CENPM: variants seen among roughly 807,000 people sequenced by gnomAD.
CENPM encodes the protein interphase centromere complex protein 39.
A neutral mutation model predicts 19.6 loss-of-function variants in CENPM; 14 were observed. That is an observed-to-expected ratio of 0.71 (90% CI 0.47 to 1.11). The LOEUF is 1.11. Ranked by LOEUF, CENPM falls within the 50% of genes most tolerant of loss-of-function variation. The pLI, the probability that CENPM is intolerant of heterozygous loss-of-function variation, is 0.00. For missense variants in CENPM, 239 were observed against 228.4 expected, an observed-to-expected ratio of 1.05 and a Z score of -0.30; for synonymous variants, 114 against 101.5, an observed-to-expected ratio of 1.12 and a Z score of -0.74.
At chr22:41,944,650 T>C (rs1442757870) in intron 4 of CENPM, 1 of 984,102 alleles carries the variant, frequency 1.0e-6, no homozygotes, top group Non-Finnish European at 1.2e-6. Flanking sequence ...GCCATTATTA[T>C]TTTCACTGTT....
the CENPM span, chr22:41,928,045 T>C: frequency 4.1e-6 from 1 of 244,250 alleles, no homozygotes; most frequent in East Asian, 1.2e-4. The surrounding 1 kb of genome is among the most constrained non-coding windows in gnomAD (Gnocchi z 4.0). Flanking sequence ...AAACAGGAAG[T>C]CCAGGGAGTG....
chr22:41,942,023 G>A (rs1189370840), intron 5 of CENPM, among the ~76,000 whole-genome samples: 2 of 152,182 alleles, frequency 1.3e-5, no homozygotes, highest in African/African-American at 2.4e-5. Flanking sequence ...AAGGGACCCT[G>A]GTCTAGACAG....
At chr22:41,940,637 C>T (rs755456586) in intron 5 of CENPM, among the ~76,000 whole-genome samples, 3 of 152,144 alleles carry the variant, frequency 2.0e-5, no homozygotes, top group Non-Finnish European at 2.9e-5. Context: ...CCTTCCACCT[C>T]GGCCTCCCTA....
downstream of CENPM, among the ~76,000 whole-genome samples, chr22:41,935,728 C>A (rs1192405254): frequency 1.3e-5 from 2 of 152,226 alleles, no homozygotes; most frequent in African/African-American, 2.4e-5. Context: ...TATCCTGCCA[C>A]CCCCTGCCCT....
chr22:41,941,014 C>T (rs1399655925), intron 5 of CENPM, among the ~76,000 whole-genome samples: 1 of 152,184 alleles, frequency 6.6e-6, no homozygotes, highest in African/African-American at 2.4e-5. Flanking sequence ...TCCCAGAGCT[C>T]AGCAAATCCT....
intron 3 of CENPM, chr22:41,945,516 T>C (rs1213248773): frequency 2.0e-6 from 2 of 993,274 alleles, no homozygotes; most frequent in South Asian, 1.8e-5. Context: ...AGTAGCGCGA[T>C]CTTGGCTCAC....
downstream of CENPM, among the ~76,000 whole-genome samples, chr22:41,934,013 G>A (rs1439082145): frequency 2.6e-5 from 4 of 152,376 alleles, no homozygotes; most frequent in African/African-American, 9.6e-5. Context: ...GGGGCAGGCA[G>A]TGGGGCTTGG....
chr22:41,929,988 G>C, the CENPM span, among the ~76,000 whole-genome samples: 2 of 124,360 alleles, frequency 1.6e-5, no homozygotes, highest in Admixed American at 1.0e-4. Flanking sequence ...CTGTCGCCCA[G>C]GCTGGAGTGC....
At chr22:41,934,088 C>T (rs978726579), downstream of CENPM, among the ~76,000 whole-genome samples, 6 of 152,226 alleles carry the variant, frequency 3.9e-5, no homozygotes, top group Non-Finnish European at 1.5e-5. Context: ...CGGTGGGACT[C>T]GGAGGCTGCT....
rs567949798 is a variant in CENPM, at chr22:41,938,748, CT to C, written c.*307del. On this transcript the variant is annotated 3_prime_UTR_variant, in exon 6 of 6. Transcript: ENST00000215980. ...GTGAATGAGACCAGTGATTTTTAAA[CT>C]TTTTTTAGCCACAGACCTTTTGTTC... 6.6e-6 allele frequency: 2 copies of C among 301,414 alleles called. No homozygotes were observed. Among genetic ancestry groups the C allele is most frequent in the South Asian group, 8.4e-5 (1 of 11,886 alleles). The allele number at this position is 301,414 out of a possible 1,614,324, so 18.7% of individuals were successfully genotyped here. A position where few individuals can be genotyped will look rare whatever the true frequency, so the allele number is the denominator to read the frequency against.
At chr22:41,939,665 T>A (rs1274969643) in intron 5 of CENPM, among the ~76,000 whole-genome samples, 2 of 150,474 alleles carry the variant, frequency 1.3e-5, no homozygotes, top group Non-Finnish European at 3.0e-5. Flanking sequence ...CAAAAAGGAA[T>A]GGGCCCAGGG....
chr22:41,927,913 A>G, the CENPM span, among the ~76,000 whole-genome samples: 1 of 152,204 alleles, frequency 6.6e-6, no homozygotes, highest in South Asian at 2.1e-4. Flanking sequence ...AGCTCACGTC[A>G]TCCTGGAAGG....
Position 41,938,932 on chromosome 22 carries a change from A to C in CENPM, c.*124T>G. ...CTGCTGCAGCACTGGCACTGCAGGG[A>C]ACCTTCCCAGCCACGGCGGGCTGAG... On this transcript the variant is annotated 3_prime_UTR_variant, in exon 6 of 6. Coordinates refer to ENST00000215980, the MANE Select transcript of CENPM (RefSeq NM_024053.5). 3.8e-6 allele frequency: 5 copies of C among 1,327,480 alleles called. No homozygotes were observed. Among genetic ancestry groups the C allele is most frequent in the Non-Finnish European group, 5.2e-6 (5 of 965,176 alleles). 82.2% of individuals were successfully genotyped at this position (1,327,480 alleles called of 1,614,324 possible).
chr22:41,935,155 C>T (rs1198055892), downstream of CENPM, among the ~76,000 whole-genome samples: 3 of 152,220 alleles, frequency 2.0e-5, no homozygotes, highest in Non-Finnish European at 4.4e-5. Context: ...CACTGTGTTC[C>T]CCAGTGCTTG....
chr22:41,927,263 C>A, the CENPM span, among the ~76,000 whole-genome samples: 1 of 152,150 alleles, frequency 6.6e-6, no homozygotes, highest in Non-Finnish European at 1.5e-5. Context: ...AGCCCCTCAA[C>A]CAGCACCGCC....
At chr22:41,931,513 T>C in the CENPM span, among the ~76,000 whole-genome samples, 27 of 151,738 alleles carry the variant, frequency 1.8e-4, no homozygotes, top group Non-Finnish European at 3.5e-4. Context: ...AATAACAAGA[T>C]AGTTTGGGGT....
At chr22:41,937,703 G>A (rs1250610513), downstream of CENPM, among the ~76,000 whole-genome samples, 1 of 152,144 alleles carries the variant, frequency 6.6e-6, no homozygotes, top group East Asian at 1.9e-4. Flanking sequence ...TCCTCCCAAC[G>A]TGACAAGGTG....
chr22:41,938,510 C>T (rs573696357), downstream of CENPM, among the ~76,000 whole-genome samples: 30 of 152,108 alleles, frequency 2.0e-4, no homozygotes, highest in Non-Finnish European at 3.8e-4. Context: ...GGACTACAGG[C>T]GCCCACCACC....
In CENPM at chr22:41,944,504, C is replaced by A. The variant is rs1023497; in HGVS notation, c.310+721G>T. ...TACCTAGGTGTAAACCTTGGCTCTA[C>A]CACTTTTCATCTAGGGGCCTGGGGC... On this transcript the variant is annotated intron_variant, in intron 4 of 5. Transcript: ENST00000215980. 4.0e-4 allele frequency: 99 copies of A among 245,594 alleles called. 3 individuals are homozygous for A. The East Asian group carries it at 0.017, about 42-fold the overall frequency. The allele number at this position is 245,594 out of a possible 1,614,324, so 15.2% of individuals were successfully genotyped here. A position where few individuals can be genotyped will look rare whatever the true frequency, so the allele number is the denominator to read the frequency against.
Sources: gnomAD v4.1 joint callset for allele counts (sites outside exome capture counted in the v4.1 genomes callset) on GRCh38, gnomAD v4.1.1 for gene constraint, Gnocchi (gnomAD v3.1) non-coding constraint, MANE v1.5 for transcripts, NCBI Gene and HGNC (gene_info 2026-07-23, HGNC 2026-07-21) for gene names.